The following BCKDHB variants were observed in gnomAD, a reference collection of about 807,000 sequenced individuals.
The protein encoded by BCKDHB is 2-oxoisovalerate dehydrogenase subunit beta, mitochondrial.
In BCKDHB, 41 loss-of-function variants were observed where a neutral mutation model predicts 48.5. The ratio of observed to expected loss-of-function variants is 0.85; its 90% CI spans 0.66 to 1.10. The LOEUF (loss-of-function observed/expected upper bound fraction) is 1.10. BCKDHB is among the 50% of genes least tolerant of loss of function. The probability of loss-of-function intolerance (pLI) is 0.00; values close to 1 mark genes in which losing one functional copy is unlikely to be tolerated. For synonymous variants in BCKDHB, 201 were observed against 174.8 expected, an observed-to-expected ratio of 1.15 and a Z score of -1.18; for missense variants, 496 against 494.2, an observed-to-expected ratio of 1.00 and a Z score of -0.03.
intron 8 of BCKDHB, among the ~76,000 whole-genome samples, chr6:80,246,188 A>G (rs1308491147): frequency 6.6e-6 from 1 of 152,188 alleles, no homozygotes; most frequent in Non-Finnish European, 1.5e-5. Flanking sequence ...TAACCTGTGA[A>G]AATTGTAAAT....
chr6:80,398,642 C>G, the BCKDHB span, among the ~76,000 whole-genome samples: 1 of 150,972 alleles, frequency 6.6e-6, no homozygotes, highest in Non-Finnish European at 1.5e-5. Flanking sequence ...GATTCACAGT[C>G]AAATTCTACC....
chr6:80,162,268 A>G (rs981245142), intron 3 of BCKDHB, among the ~76,000 whole-genome samples: 1 of 152,146 alleles, frequency 6.6e-6, no homozygotes, highest in East Asian at 1.9e-4. Flanking sequence ...TTTTACTGAA[A>G]GGATAGATGC....
the BCKDHB span, among the ~76,000 whole-genome samples, chr6:80,413,652 G>A: frequency 1.3e-5 from 2 of 152,198 alleles, no homozygotes; most frequent in Non-Finnish European, 2.9e-5. Context: ...TGCCTGCATA[G>A]TATTCCATGA....
At chr6:80,272,845 C>T (rs578215269) in intron 8 of BCKDHB, among the ~76,000 whole-genome samples, 1 of 152,108 alleles carries the variant, frequency 6.6e-6, no homozygotes, top group East Asian at 1.9e-4. Context: ...ATAACACAAA[C>T]GTATCTTACA....
chr6:80,209,012 T>G (rs1774798337), intron 8 of BCKDHB, among the ~76,000 whole-genome samples: 1 of 151,880 alleles, frequency 6.6e-6, no homozygotes, highest in Non-Finnish European at 1.5e-5. Flanking sequence ...TTCATAAATA[T>G]TCACAAAGCA....
At chr6:80,202,726 C>T (rs1774453403) in intron 7 of BCKDHB, among the ~76,000 whole-genome samples, 1 of 143,944 alleles carries the variant, frequency 6.9e-6, no homozygotes, top group Non-Finnish European at 1.5e-5. Flanking sequence ...CTCCCTCCCT[C>T]TCTTTCTTCC....
intron 9 of BCKDHB, among the ~76,000 whole-genome samples, chr6:80,296,323 C>G (rs1464987258): frequency 3.3e-5 from 5 of 152,234 alleles, no homozygotes; most frequent in Admixed American, 1.3e-4. Flanking sequence ...GTCAAAAACA[C>G]AATTGACAAG....
At chr6:80,351,181 A>G (rs957560635), downstream of BCKDHB, among the ~76,000 whole-genome samples, 3 of 152,192 alleles carry the variant, frequency 2.0e-5, no homozygotes, top group African/African-American at 7.2e-5. Context: ...TCCTTCATAT[A>G]GGGCTAAATT....
At chr6:80,236,980 T>C (rs1776171972) in intron 8 of BCKDHB, among the ~76,000 whole-genome samples, 1 of 152,228 alleles carries the variant, frequency 6.6e-6, no homozygotes, top group Admixed American at 6.5e-5. Context: ...GGAATGGGTT[T>C]GGAAAAGGAC....
intron 9 of BCKDHB, among the ~76,000 whole-genome samples, chr6:80,282,004 G>A (rs1286667049): frequency 6.6e-6 from 1 of 152,070 alleles, no homozygotes; most frequent in Non-Finnish European, 1.5e-5. Flanking sequence ...TGCATAAAAT[G>A]GAAATTTTTG....
intron 3 of BCKDHB, among the ~76,000 whole-genome samples, chr6:80,132,557 T>G (rs1018491997): frequency 6.6e-6 from 1 of 152,220 alleles, no homozygotes; most frequent in African/African-American, 2.4e-5. Flanking sequence ...AGAAACTAAC[T>G]CTTAACTTGA....
At chr6:80,290,629 C>T (rs920510327) in intron 9 of BCKDHB, among the ~76,000 whole-genome samples, 1 of 152,168 alleles carries the variant, frequency 6.6e-6, no homozygotes, top group Non-Finnish European at 1.5e-5. Flanking sequence ...AAATCCAGCA[C>T]AAGAATTTGT....
chr6:80,216,212 C>T (rs892283823), intron 8 of BCKDHB, among the ~76,000 whole-genome samples: 2 of 152,168 alleles, frequency 1.3e-5, no homozygotes, highest in African/African-American at 4.8e-5. Context: ...GAGCAGCTTA[C>T]AGCCAGTGGG....
chr6:80,139,612 G>T (rs981228043), intron 3 of BCKDHB, among the ~76,000 whole-genome samples: 6 of 151,946 alleles, frequency 3.9e-5, no homozygotes, highest in East Asian at 3.9e-4. Flanking sequence ...TCAGATAGTT[G>T]TAGATATGTG....
chr6:80,411,749 G>A, the BCKDHB span, among the ~76,000 whole-genome samples: 3 of 152,246 alleles, frequency 2.0e-5, no homozygotes, highest in Non-Finnish European at 1.5e-5. Flanking sequence ...GCAAGGCTCT[G>A]TGGGCGTGTG....
At chr6:80,390,556 A>G in the BCKDHB span, among the ~76,000 whole-genome samples, 1 of 152,166 alleles carries the variant, frequency 6.6e-6, no homozygotes, top group African/African-American at 2.4e-5. Context: ...TTATCATGTG[A>G]CATAAGATTT....
At chr6:80,229,366 C>T (rs1775812025) in intron 8 of BCKDHB, among the ~76,000 whole-genome samples, 1 of 152,112 alleles carries the variant, frequency 6.6e-6, no homozygotes, top group Admixed American at 6.5e-5. Context: ...TGAGCAGACA[C>T]TTGGTATCTG....
chr6:80,166,625 T>TC (rs1200952268), intron 3 of BCKDHB, among the ~76,000 whole-genome samples: 1 of 150,658 alleles, frequency 6.6e-6, no homozygotes, highest in African/African-American at 2.4e-5. Context: ...CATTGCACTC[T>TC]AGCCTGGGTG....
the BCKDHB span, among the ~76,000 whole-genome samples, chr6:80,432,378 C>G: frequency 1.3e-5 from 2 of 152,048 alleles, no homozygotes; most frequent in Non-Finnish European, 2.9e-5. Flanking sequence ...TTTGCTCATT[C>G]CTTTTTATTC....
Sources: allele counts gnomAD v4.1 joint callset (sites outside exome capture counted in the v4.1 genomes callset), GRCh38; gene constraint gnomAD v4.1.1; transcripts MANE v1.5; gene names NCBI Gene and HGNC (gene_info 2026-07-23, HGNC 2026-07-21).